Variants in TOMM70 observed in about 807,000 individuals in gnomAD.
TOMM70 encodes translocase of outer mitochondrial membrane 70, also known as mitochondrial import receptor subunit TOM70.
Under a neutral mutation model 73.6 loss-of-function variants are expected in TOMM70, and 13 were observed. The observed-to-expected ratio is 0.18, with a 90% confidence interval of 0.11 to 0.28. The LOEUF (loss-of-function observed/expected upper bound fraction) is 0.28. Ranked by LOEUF, TOMM70 falls within the 10% of genes least tolerant of loss-of-function variation. The pLI is 1.00. For synonymous variants in TOMM70, 257 were observed against 271.2 expected (o/e 0.95, Z 0.51); for missense variants, 609 against 747.5 (o/e 0.81, Z 2.16).
At chr3:100,382,957 T>A (rs746151853) in intron 4 of TOMM70, among the ~76,000 whole-genome samples, 15 of 152,058 alleles carry the variant, frequency 9.9e-5, no homozygotes, top group Non-Finnish European at 1.6e-4. Flanking sequence ...TATAAAAAAA[T>A]CAAAATAATA....
At chr3:100,381,299 T>C (rs1354560867) in intron 5 of TOMM70, among the ~76,000 whole-genome samples, 4 of 152,128 alleles carry the variant, frequency 2.6e-5, no homozygotes, top group African/African-American at 9.7e-5. Flanking sequence ...TTTCAAGTTA[T>C]TGCCTCTATT....
chr3:100,373,457 T>C, intron 8 of TOMM70, 81 bp downstream of exon 8: 1 of 1,153,092 alleles, frequency 8.7e-7, no homozygotes, highest in Non-Finnish European at 1.2e-6. Flanking sequence ...GACGACTTTG[T>C]AGACAATGAG....
chr3:100,367,486 A>G (rs1706458223), intron 11 of TOMM70, among the ~76,000 whole-genome samples: 1 of 152,204 alleles, frequency 6.6e-6, no homozygotes, highest in African/African-American at 2.4e-5. Flanking sequence ...TGTAAACCTA[A>G]GCCCTCTGGG....
At chr3:100,366,258 G>A (rs76368247) in intron 11 of TOMM70, among the ~76,000 whole-genome samples, 1,641 of 152,248 alleles carry the variant, frequency 0.011, 25 homozygotes, top group African/African-American at 0.038. Context: ...CAGTCTATGT[G>A]AGTTCCTCAC....
chr3:100,395,636 A>C (rs1254974631), intron 1 of TOMM70, among the ~76,000 whole-genome samples: 1 of 151,918 alleles, frequency 6.6e-6, no homozygotes. Flanking sequence ...AATTTGAAAA[A>C]TATACCACTT....
intron 1 of TOMM70, among the ~76,000 whole-genome samples, chr3:100,394,349 C>T (rs1706796254): frequency 7.4e-6 from 1 of 135,132 alleles, no homozygotes; most frequent in African/African-American, 3.2e-5. Flanking sequence ...TACTTATTGA[C>T]CAACTGTTAC....
chr3:100,401,022 A>G lies in TOMM70; in HGVS notation c.-73T>C. On this transcript the variant is annotated 5_prime_UTR_variant, in exon 1 of 12. Transcript: ENST00000284320. Reference sequence around the variant, plus strand: ...ATCACCAAACAGCGTGCGAAGGAAGACCGAGGGAGGGAAGGAAAGCAATGA... The same window carrying G: ...ATCACCAAACAGCGTGCGAAGGAAGGCCGAGGGAGGGAAGGAAAGCAATGA... 7.0e-7 allele frequency: 1 copy of G among 1,436,476 alleles called. No homozygotes were observed. The highest frequency in any genetic ancestry group is 9.4e-7 in the Non-Finnish European group (1 of 1,064,850). The allele number at this position is 1,436,476 out of a possible 1,614,324, so 89.0% of individuals were successfully genotyped here.
At chr3:100,389,878 C>T (rs113756033) in intron 1 of TOMM70, among the ~76,000 whole-genome samples, 1 of 151,924 alleles carries the variant, frequency 6.6e-6, no homozygotes, top group African/African-American at 2.4e-5. Context: ...CCTGTCTCTA[C>T]AAAAATAGAA....
chr3:100,371,623 A>G (rs1706511244), intron 9 of TOMM70, among the ~76,000 whole-genome samples: 1 of 152,108 alleles, frequency 6.6e-6, no homozygotes, highest in African/African-American at 2.4e-5. Flanking sequence ...AAAACCCAAC[A>G]TGTCTTTTGT....
In TOMM70 at chr3:100,400,672, G is replaced by A. The variant is rs941372177; in HGVS notation, c.278C>T (p.Ala93Val). Residue 93 changes from alanine to valine, a missense_variant, in exon 1 of 12, where the codon GCC (alanine) becomes GTC (valine). By Grantham distance (64) the Ala-to-Val change is moderately conservative (BLOSUM62 0). This residue lies in a region of TOMM70 where 177 missense variants were observed against 163.5 expected (regional missense o/e 1.08). Transcript: ENST00000284320. ...ACCTTCAGGGTGTCCGCTGCCCGGG[G>A]CCGGACTGGCCCTGCCCTCCGGGGT... ...RKTPEGRASPAPGSGHPEGPG... is the reference protein window; with the variant it reads ...RKTPEGRASPVPGSGHPEGPG... The A allele has an allele frequency of 1.9e-6, 3 of 1,612,250 alleles. No individual in the cohort carries two copies. In the African/African-American group the frequency reaches 4.0e-5, roughly 22 times the overall value.
intron 1 of TOMM70, among the ~76,000 whole-genome samples, chr3:100,394,670 A>G (rs1034349511): frequency 6.6e-6 from 1 of 151,956 alleles, no homozygotes; most frequent in Non-Finnish European, 1.5e-5. Context: ...TGCCCGGCTA[A>G]TTTTTGTATT....
intron 1 of TOMM70, among the ~76,000 whole-genome samples, chr3:100,391,801 G>A (rs1439062508): frequency 6.6e-6 from 1 of 152,120 alleles, no homozygotes; most frequent in Non-Finnish European, 1.5e-5. Context: ...AATTATCGAA[G>A]AAAAGTATGT....
In TOMM70 at chr3:100,400,783, A is replaced by G; in HGVS notation, c.167T>C (p.Ile56Thr). The change falls in exon 1 of 12, where the codon ATA (isoleucine) becomes ACA (threonine). Residue 56 changes from isoleucine to threonine, a missense_variant. Coordinates refer to ENST00000284320, the MANE Select transcript of TOMM70 (RefSeq NM_014820.5). The part of the protein sequence containing the change: ...GAPLLLGAGA[I>T]YLWSRQQRRR... ...CCGTTGCTGCCGACTCCACAGGTAT[A>G]TGGCACCCGCGCCCAGCAGCAGGGG... 1.9e-6 allele frequency: 3 copies of G among 1,561,842 alleles called. No homozygotes were observed. Among genetic ancestry groups the G allele is most frequent in the Non-Finnish European group, 2.6e-6 (3 of 1,160,376 alleles).
intron 1 of TOMM70, among the ~76,000 whole-genome samples, chr3:100,398,999 C>A (rs1466881927): frequency 6.6e-6 from 1 of 152,098 alleles, no homozygotes; most frequent in East Asian, 1.9e-4. Context: ...AAAATATCTT[C>A]GCCCGGGCGC....
chr3:100,392,864 G>A (rs1268307052), intron 1 of TOMM70, among the ~76,000 whole-genome samples: 1 of 152,094 alleles, frequency 6.6e-6, no homozygotes, highest in East Asian at 1.9e-4. Flanking sequence ...GTTTATTGCA[G>A]CACAATTCAC....
chr3:100,383,529 A>C (rs537016835), intron 4 of TOMM70, among the ~76,000 whole-genome samples: 56 of 151,978 alleles, frequency 3.7e-4, no homozygotes, highest in African/African-American at 1.3e-3. Flanking sequence ...AAACAAAAAA[A>C]AAAAAAACAG....
Position 100,374,509 on chromosome 3 carries a change from C to A in TOMM70, c.1227+509G>T, listed in dbSNP as rs150314103. On this transcript the variant is annotated intron_variant, in intron 7 of 11. Transcript: ENST00000284320. ...AAGCCATGTTAAGCTGATTATAAAG[C>A]CATGTTTTCCCCACTTGAGGCAGTA... 2.4e-3 allele frequency among the ~76,000 whole-genome samples: 365 copies of A among 152,280 alleles called. 2 individuals carry two copies. The highest frequency in any genetic ancestry group is 8.6e-3 in the African/African-American group (356 of 41,548).
At chr3:100,383,103 A>G (rs1216841614) in intron 4 of TOMM70, among the ~76,000 whole-genome samples, 6 of 152,122 alleles carry the variant, frequency 3.9e-5, no homozygotes, top group Non-Finnish European at 7.3e-5. Flanking sequence ...ATTACTCCAC[A>G]CTATGTACAA....
At chr3:100,367,421 A>G (rs1020771451) in intron 11 of TOMM70, among the ~76,000 whole-genome samples, 16 of 152,184 alleles carry the variant, frequency 1.1e-4, no homozygotes, top group Middle Eastern at 3.2e-3. Context: ...TGACTGTGGT[A>G]TCAGTGATAT....
Sources: gnomAD v4.1 joint callset for allele counts (sites outside exome capture counted in the v4.1 genomes callset) on GRCh38, gnomAD v4.1.1 for gene constraint, gnomAD v4.1.1 regional missense constraint, MANE v1.5 for transcripts, NCBI Gene and HGNC (gene_info 2026-07-23, HGNC 2026-07-21) for gene names.